Variants in LIMD2 observed in about 807,000 individuals in gnomAD.
LIMD2 encodes the protein LIM domain containing 2.
LIMD2 carries 11 observed loss-of-function variants against 16.0 expected under a neutral mutation model. The ratio of observed to expected loss-of-function variants is 0.69; its 90% CI spans 0.43 to 1.14. The LOEUF is 1.14. Among genes scored for constraint, LIMD2 ranks in the 50% most tolerant of loss-of-function variants. The pLI, the probability that LIMD2 is intolerant of heterozygous loss-of-function variation, is 0.00. For synonymous variants in LIMD2, 60 were observed against 67.1 expected (o/e 0.89, Z 0.52); for missense variants, 168 against 165.8 (o/e 1.01, Z -0.07).
At chr17:63,698,750 C>G (rs1487651089) in intron 4 of LIMD2, 39 bp from the exon 5 acceptor site, 1 of 1,296,036 alleles carries the variant, frequency 7.7e-7, no homozygotes, top group Non-Finnish European at 1.0e-6. Context: ...CAGGTCAGGT[C>G]GGGGCTGGGT....
chr17:63,699,400 A>G, intron 1 of LIMD2, 52 bp from the exon 2 acceptor site: 1 of 1,485,646 alleles, frequency 6.7e-7, no homozygotes. Context: ...CCCAGCCTGC[A>G]GGGTGGGGGG....
In LIMD2 at chr17:63,698,676, T is replaced by G. The variant is rs1344161029; in HGVS notation, c.260A>C (p.Tyr87Ser). Reference protein sequence around the residue: ...GSYAALHGEFYCKPHFQQLFK... With the variant: ...GSYAALHGEFSCKPHFQQLFK... ...CAGCTGCTGGAAGTGGGGTTTGCAG[T>G]AGAACTCCCCGTGCAGCGCGGCGTA... Residue 87 changes from tyrosine to serine, a missense_variant, in exon 5 of 5, where the codon TAC becomes TCC. Coordinates refer to ENST00000259006, the MANE Select transcript of LIMD2 (RefSeq NM_030576.4). The G allele has an allele frequency of 1.2e-6, 2 of 1,613,332 alleles. No homozygotes were observed. Among genetic ancestry groups the G allele is most frequent in the African/African-American group, 2.7e-5 (2 of 74,790 alleles).
Position 63,698,349 on chromosome 17 carries a change from T to A in LIMD2, c.*203A>T. 1.5e-6 allele frequency: 1 copy of A among 654,634 alleles called. No homozygotes were observed. 40.6% of individuals were successfully genotyped at this position (654,634 alleles called of 1,614,324 possible). ...AAGCAGGGTGGTGGGCAGACCCCAA[T>A]CCTGGTTTCCAAACCCTCACCGGCT... On this transcript the variant is annotated 3_prime_UTR_variant, in exon 5 of 5. Coordinates refer to ENST00000259006, the MANE Select transcript of LIMD2 (RefSeq NM_030576.4).
chr17:63,699,795 C>T (rs2035757857), intron 1 of LIMD2: 3 of 627,232 alleles, frequency 4.8e-6, no homozygotes, highest in South Asian at 7.0e-5. Flanking sequence ...CGCCCCTCGG[C>T]CCCCGACCTG....
intron 1 of LIMD2, chr17:63,699,594 C>T (rs1420316408): frequency 5.3e-6 from 2 of 375,214 alleles, no homozygotes; most frequent in Non-Finnish European, 9.4e-6. Context: ...GGGCCGGGGG[C>T]TCCCGCGCAG....
At position 63,698,463 on chromosome 17, in the gene LIMD2, C is replaced by A; in HGVS notation, c.*89G>T. The A allele has an allele frequency of 1.4e-6, 2 of 1,455,244 alleles. No homozygotes were observed. Among genetic ancestry groups the A allele is most frequent in the Non-Finnish European group, 1.9e-6 (2 of 1,079,378 alleles). The allele number at this position is 1,455,244 out of a possible 1,614,324, so 90.1% of individuals were successfully genotyped here. ...CAAGCCTCATCCCCTTCCCACCTGG[C>A]CCCCACGCAAGCCCAGCTCGACCTC... On this transcript the variant is annotated 3_prime_UTR_variant, in exon 5 of 5. Coordinates refer to ENST00000259006, the MANE Select transcript of LIMD2 (RefSeq NM_030576.4).
chr17:63,697,300 C>T lies in LIMD2; in HGVS notation c.*1252G>A, dbSNP rs1311903838. 6.6e-6 allele frequency: 1 copy of T among 152,290 alleles called. No homozygotes were observed. Among genetic ancestry groups the T allele is most frequent in the Non-Finnish European group, 1.5e-5 (1 of 68,124 alleles). The allele number at this position is 152,290 out of a possible 1,614,324, so 9.4% of individuals were successfully genotyped here. A position where few individuals can be genotyped will look rare whatever the true frequency, so the allele number is the denominator to read the frequency against. On this transcript the variant is annotated 3_prime_UTR_variant, in exon 5 of 5. Coordinates refer to ENST00000259006, the MANE Select transcript of LIMD2 (RefSeq NM_030576.4). ...AGCGAGGGGTAATGATGAGGGGGGA[C>T]AATCCAGGGGTCACTAAAACCTTGG... is the stretch of plus-strand genomic sequence containing the variant.
chr17:63,699,075 GGA>G lies in LIMD2; in HGVS notation c.43-8_43-7del. 1 of 1,602,676 alleles carries G rather than the reference GGA, an allele frequency of 6.2e-7. No individual in the cohort carries two copies. Among genetic ancestry groups the G allele is most frequent in the Non-Finnish European group, 8.5e-7 (1 of 1,176,292 alleles). ...CTGCCGCCGCCTTTGGCGTCCTGAG[GGA>G]GAGGGGCGGTCAGGGCAGGGGCAGC... On this transcript the variant is annotated splice_region_variant and splice_polypyrimidine_tract_variant and intron_variant, in intron 2 of 4. Transcript: ENST00000259006.
Position 63,698,591 on chromosome 17 carries a change from C to G in LIMD2, c.345G>C (p.Trp115Cys). ...GFGRKQHKEL[W>C]AHKEVDPGTK... ...TGCCGGGGTCCACCTCCTTGTGGGC[C>G]CAGAGCTCCTTGTGCTGCTTGCGGC... Residue 115 changes from tryptophan (W) to cysteine (C), a missense_variant, in exon 5 of 5, where the codon TGG (tryptophan) becomes TGC (cysteine). Coordinates refer to ENST00000259006, the MANE Select transcript of LIMD2 (RefSeq NM_030576.4). 6.2e-7 allele frequency: 1 copy of G among 1,613,816 alleles called. No individual in the cohort carries two copies. Among genetic ancestry groups the G allele is most frequent in the Non-Finnish European group, 8.5e-7 (1 of 1,180,000 alleles).
chr17:63,699,226 G>C, intron 2 of LIMD2, 31 bp downstream of exon 2: 1 of 1,609,216 alleles, frequency 6.2e-7, no homozygotes. Context: ...GCTCCTGTCC[G>C]GGGGGCCCTC....
rs1056934551 is a variant in LIMD2, at chr17:63,697,247, C to G, written c.*1305G>C. On this transcript the variant is annotated 3_prime_UTR_variant, in exon 5 of 5. Transcript: ENST00000259006. ...TAGCTGTGACTGCACCTCCGCAGAG[C>G]TTGAAAAGGCAAGGGGATGATGACA... 2.6e-5 allele frequency: 4 copies of G among 152,244 alleles called. No homozygotes were observed. Among genetic ancestry groups the G allele is most frequent in the African/African-American group, 9.7e-5 (4 of 41,428 alleles). 9.4% of individuals were successfully genotyped at this position (152,244 alleles called of 1,614,324 possible).
rs1481072401 is a variant in LIMD2, at chr17:63,698,416, G to A, written c.*136C>T. 4.0e-6 allele frequency: 4 copies of A among 1,001,502 alleles called. No individual in the cohort carries two copies. Among genetic ancestry groups the A allele is most frequent in the Non-Finnish European group, 5.7e-6 (4 of 697,364 alleles). 62.0% of individuals were successfully genotyped at this position (1,001,502 alleles called of 1,614,324 possible). ...GGAAGGAGTCCTGGAGCAGAGCCCT[G>A]CCCTGGTCCCCTACGCCTGAGCAAG... On this transcript the variant is annotated 3_prime_UTR_variant, in exon 5 of 5. Transcript: ENST00000259006.
In LIMD2 at chr17:63,699,333, C is replaced by T. The variant is rs565225117; in HGVS notation, c.-35G>A. On this transcript the variant is annotated 5_prime_UTR_variant, in exon 2 of 5. Coordinates refer to ENST00000259006, the MANE Select transcript of LIMD2 (RefSeq NM_030576.4). Reference sequence around the variant, plus strand: ...GAGGTGGAAGCCTCGGGTGGAGAAGCGGCACCCGCTGGGTTCTGCAAGGGG... The same window carrying T: ...GAGGTGGAAGCCTCGGGTGGAGAAGTGGCACCCGCTGGGTTCTGCAAGGGG... 6.3e-7 allele frequency: 1 copy of T among 1,589,368 alleles called. No homozygotes were observed.
At position 63,700,097 on chromosome 17, in the gene LIMD2, G is replaced by A; in HGVS notation, c.-116C>T. The A allele has an allele frequency of 1.0e-6, 1 of 984,748 alleles. No individual in the cohort carries two copies. The highest frequency in any genetic ancestry group is 1.2e-6 in the Non-Finnish European group (1 of 829,414). The allele number at this position is 984,748 out of a possible 1,614,324, so 61.0% of individuals were successfully genotyped here. A position where few individuals can be genotyped will look rare whatever the true frequency, so the allele number is the denominator to read the frequency against. ...GGCGCACGGGTACGAGGAGGGCGCG[G>A]GCGCGAGCTGCTGCCGCTACCAGTG... On this transcript the variant is annotated 5_prime_UTR_variant, in exon 1 of 5. Coordinates refer to ENST00000259006, the MANE Select transcript of LIMD2 (RefSeq NM_030576.4). The surrounding 1 kb of genome is among the most constrained non-coding windows in gnomAD (Gnocchi z 7.1).
chr17:63,700,688 A>C (rs1598137073), upstream of LIMD2: 2 of 149,292 alleles, frequency 1.3e-5, no homozygotes, highest in Admixed American at 1.3e-4. The surrounding 1 kb of genome is among the most constrained non-coding windows in gnomAD (Gnocchi z 7.1). Context: ...CGGGCGGCCG[A>C]GTCCTCCCGC....
In LIMD2 at chr17:63,698,672, G is replaced by A. The variant is rs2035731888; in HGVS notation, c.264C>T (p.Cys88=). The A allele has an allele frequency of 1.2e-6, 2 of 1,613,650 alleles. No homozygotes were observed. Among genetic ancestry groups the A allele is most frequent in the Non-Finnish European group, 1.7e-6 (2 of 1,180,028 alleles). Residue 88 remains cysteine (C), a synonymous_variant, in exon 5 of 5, where the codon TGC becomes TGT. Coordinates refer to ENST00000259006, the MANE Select transcript of LIMD2 (RefSeq NM_030576.4). ...SYAALHGEFY[C]KPHFQQLFKS... Reference sequence around the variant, plus strand: ...TAAACAGCTGCTGGAAGTGGGGTTTGCAGTAGAACTCCCCGTGCAGCGCGG... The same window carrying A: ...TAAACAGCTGCTGGAAGTGGGGTTTACAGTAGAACTCCCCGTGCAGCGCGG...
At position 63,698,930 on chromosome 17, in the gene LIMD2, G is replaced by C. The variant is rs1345885376; in HGVS notation, c.93C>G (p.Ser31Arg). The C allele has an allele frequency of 6.2e-7, 1 of 1,612,690 alleles. No homozygotes were observed. The highest frequency in any genetic ancestry group is 1.3e-5 in the African/African-American group (1 of 74,924). Reference sequence around the variant, plus strand: ...AGGTCTCCTTCACCTGGGCCCGCAGGCTGAAGGACTGTGCGGGAAGCTCAG... The same window carrying C: ...AGGTCTCCTTCACCTGGGCCCGCAGCCTGAAGGACTGTGCGGGAAGCTCAG... The part of the protein sequence containing the change: ...SSTVQRSKSF[S>R]LRAQVKETCA... The change falls in exon 4 of 5, where the codon AGC becomes AGG. Residue 31 changes from serine to arginine, a missense_variant. Ser to Arg is a moderately radical substitution (Grantham distance 110). Transcript: ENST00000259006.
chr17:63,697,359 T>C lies in LIMD2; in HGVS notation c.*1193A>G, dbSNP rs1481539263. The C allele has an allele frequency of 1.3e-5, 2 of 152,206 alleles. No individual in the cohort carries two copies. The highest frequency in any genetic ancestry group is 2.4e-5 in the African/African-American group (1 of 41,424). The allele number at this position is 152,206 out of a possible 1,614,324, so 9.4% of individuals were successfully genotyped here. ...TGCTGGGTCTGCTGGTTACCGCCAT[T>C]CTTCGCTAACTTACTTCCAGGTCAA... On this transcript the variant is annotated 3_prime_UTR_variant, in exon 5 of 5. Transcript: ENST00000259006.
At chr17:63,699,972 C>T in intron 1 of LIMD2, 60 bp downstream of exon 1, 2 of 984,022 alleles carry the variant, frequency 2.0e-6, no homozygotes, top group Non-Finnish European at 1.2e-6. Flanking sequence ...TCACCCCACA[C>T]CCCTCGGCGC....
Sources: allele counts gnomAD v4.1 joint callset, GRCh38; gene constraint gnomAD v4.1.1; non-coding constraint Gnocchi (gnomAD v3.1); transcripts MANE v1.5; gene names NCBI Gene and HGNC (gene_info 2026-07-23, HGNC 2026-07-21).